The following KCNH1 variants were observed in gnomAD, a reference collection of about 807,000 sequenced individuals.
KCNH1 encodes potassium voltage-gated channel subfamily H member 1, also known as voltage-gated delayed rectifier potassium channel KCNH1.
KCNH1 carries 27 observed loss-of-function variants against 69.2 expected under a neutral mutation model. The observed-to-expected ratio is 0.39, with a 90% CI of 0.29 to 0.54. The LOEUF (loss-of-function observed/expected upper bound fraction) is 0.54, where lower values mean the gene tolerates loss of function less well. KCNH1 is among the 20% of genes least tolerant of loss of function. The pLI, the probability that KCNH1 is intolerant of heterozygous loss-of-function variation, is 0.68. For synonymous variants in KCNH1, 456 were observed against 487.7 expected (o/e 0.93, Z 0.86); for missense variants, 798 against 1,261.6 (o/e 0.63, Z 5.57).
At chr1:211,111,408 C>G (rs929611401) in intron 1 of KCNH1, among the ~76,000 whole-genome samples, 2 of 145,860 alleles carry the variant, frequency 1.4e-5, no homozygotes, top group African/African-American at 5.1e-5. Context: ...AAGTCAGGAG[C>G]GCTTCTGCCC....
Position 210,828,067 on chromosome 1 carries a change from T to C in KCNH1, c.1463-23901A>G, listed in dbSNP as rs148851120. 1.5e-3 allele frequency among the ~76,000 whole-genome samples: 225 copies of C among 152,244 alleles called. 4 individuals carry two copies. The East Asian group carries it at 0.042, about 28-fold the overall frequency. ...CATGTTGGCCAGGCTGGTCTTGAAC[T>C]CCTGACCTCAGGTGATCCACTCTTC... On this transcript the variant is annotated intron_variant, in intron 7 of 10. Transcript: ENST00000271751.
Position 210,971,666 on chromosome 1 carries a change from G to A in KCNH1, c.1032+47117C>T, listed in dbSNP as rs149928494. ...CAGTCTTGTGGGTAACCTGAAATCA[G>A]CGATGGAAAAGGTATTTATGTCATA... On this transcript the variant is annotated intron_variant, in intron 6 of 10. Coordinates refer to ENST00000271751, the MANE Select transcript of KCNH1 (RefSeq NM_172362.3). Among the ~76,000 whole-genome samples, 4 of 151,586 alleles carry A rather than the reference G, an allele frequency of 2.6e-5. No individual in the cohort carries two copies. The East Asian group carries it at 7.8e-4, about 29-fold the overall frequency.
intron 7 of KCNH1, among the ~76,000 whole-genome samples, chr1:210,907,957 C>A (rs889806558): frequency 6.6e-6 from 1 of 152,222 alleles, no homozygotes; most frequent in Non-Finnish European, 1.5e-5. Flanking sequence ...TACTGTGACT[C>A]TTTTCCATGT....
chr1:210,922,060 A>G (rs568408896), intron 6 of KCNH1, among the ~76,000 whole-genome samples: 1 of 152,130 alleles, frequency 6.6e-6, no homozygotes, highest in East Asian at 1.9e-4. Flanking sequence ...GTGAGGATGG[A>G]AGAGGTGAGA....
intron 7 of KCNH1, chr1:210,862,345 C>G: frequency 1.4e-6 from 1 of 692,928 alleles, no homozygotes; most frequent in Non-Finnish European, 2.7e-6. Flanking sequence ...TAGCACTACT[C>G]ACTGCACACA....
At chr1:210,876,570 T>C (rs890625075) in intron 7 of KCNH1, among the ~76,000 whole-genome samples, 9 of 152,290 alleles carry the variant, frequency 5.9e-5, no homozygotes, top group African/African-American at 2.2e-4. Flanking sequence ...AATTGAAATA[T>C]TTTAAATGCT....
intron 6 of KCNH1, among the ~76,000 whole-genome samples, chr1:210,995,981 G>C (rs1689025680): frequency 6.6e-6 from 1 of 151,930 alleles, no homozygotes; most frequent in Non-Finnish European, 1.5e-5. Context: ...AACCATAATT[G>C]ATGATTAAGA....
chr1:210,983,730 G>C (rs941126808), intron 6 of KCNH1, among the ~76,000 whole-genome samples: 3 of 152,146 alleles, frequency 2.0e-5, no homozygotes, highest in Non-Finnish European at 2.9e-5. Flanking sequence ...TGTTCTTTTG[G>C]CTTAGCATCG....
chr1:210,893,129 T>C (rs1056193854), intron 7 of KCNH1, among the ~76,000 whole-genome samples: 1 of 152,202 alleles, frequency 6.6e-6, no homozygotes, highest in Non-Finnish European at 1.5e-5. Context: ...CAGAGATTCA[T>C]ATTTTCATTC....
intron 7 of KCNH1, among the ~76,000 whole-genome samples, chr1:210,846,233 A>G (rs1305092587): frequency 6.6e-6 from 1 of 152,200 alleles, no homozygotes; most frequent in South Asian, 2.1e-4. Flanking sequence ...AAACTACTTT[A>G]AAGTTGATAT....
intron 6 of KCNH1, among the ~76,000 whole-genome samples, chr1:210,985,363 A>C (rs1688809377): frequency 6.6e-6 from 1 of 151,958 alleles, no homozygotes; most frequent in African/African-American, 2.4e-5. Flanking sequence ...TAGTTCTTTT[A>C]ATTGTGATGT....
chr1:210,746,154 C>T (rs1437162118), intron 10 of KCNH1, among the ~76,000 whole-genome samples: 2 of 152,126 alleles, frequency 1.3e-5, no homozygotes, highest in Non-Finnish European at 2.9e-5. Flanking sequence ...GTCATGGTGG[C>T]CAGCTCCAGG....
chr1:210,989,930 T>TA (rs1220152730), intron 6 of KCNH1, among the ~76,000 whole-genome samples: 1 of 152,242 alleles, frequency 6.6e-6, no homozygotes, highest in Non-Finnish European at 1.5e-5. Flanking sequence ...CCCTAGTCCC[T>TA]ACTATTTCTT....
chr1:211,061,284 A>C (rs942162836), intron 5 of KCNH1, among the ~76,000 whole-genome samples: 9 of 152,182 alleles, frequency 5.9e-5, no homozygotes, highest in Admixed American at 6.5e-5. Flanking sequence ...TAAACACCTC[A>C]AGAAACTAGA....
At chr1:211,099,663 A>G (rs1031005136) in intron 3 of KCNH1, among the ~76,000 whole-genome samples, 10 of 151,978 alleles carry the variant, frequency 6.6e-5, no homozygotes, top group Non-Finnish European at 5.9e-5. Context: ...TTCTTGGTAA[A>G]TATCAGGTTC....
intron 3 of KCNH1, among the ~76,000 whole-genome samples, chr1:211,095,839 T>C (rs566341800): frequency 2.6e-5 from 4 of 152,176 alleles, no homozygotes; most frequent in Non-Finnish European, 5.9e-5. Flanking sequence ...ACCAGAGGGA[T>C]GTAATGGCCA....
intron 6 of KCNH1, among the ~76,000 whole-genome samples, chr1:210,980,309 A>T (rs1688685632): frequency 6.6e-6 from 1 of 152,204 alleles, no homozygotes; most frequent in African/African-American, 2.4e-5. Context: ...CATAATCAGA[A>T]AAGATCACCT....
At chr1:210,766,637 C>G (rs1683640375) in intron 10 of KCNH1, among the ~76,000 whole-genome samples, 3 of 152,180 alleles carry the variant, frequency 2.0e-5, no homozygotes, top group Admixed American at 1.3e-4. Context: ...TATATGGAGT[C>G]AGGGTCCCAT....
chr1:210,934,301 A>G (rs763184659), intron 6 of KCNH1, among the ~76,000 whole-genome samples: 1 of 152,242 alleles, frequency 6.6e-6, no homozygotes, highest in Non-Finnish European at 1.5e-5. Context: ...AATATCCTTA[A>G]GTAATATCTA....
Sources: allele counts gnomAD v4.1 joint callset (sites outside exome capture counted in the v4.1 genomes callset), GRCh38; gene constraint gnomAD v4.1.1; transcripts MANE v1.5; gene names NCBI Gene and HGNC (gene_info 2026-07-23, HGNC 2026-07-21).